Variants in ZNF530 observed in about 807,000 individuals in gnomAD.
The protein encoded by ZNF530 is zinc finger protein 530.
A neutral mutation model predicts 2.8 loss-of-function variants in ZNF530; 5 were observed. The ratio of observed to expected loss-of-function variants is 1.80; its 90% confidence interval spans 0.94 to 3.78. ZNF530 has a LOEUF of 3.78. Ranked by LOEUF, ZNF530 falls within the 30% of genes most tolerant of loss-of-function variation. ZNF530 has a pLI of 0.00. For missense variants in ZNF530, 619 were observed against 673.3 expected (o/e 0.92, Z 0.89); for synonymous variants, 229 against 235.0 (o/e 0.97, Z 0.23).
downstream of ZNF530, among the ~76,000 whole-genome samples, chr19:57,610,537 G>A (rs1174438773): frequency 1.3e-5 from 2 of 151,964 alleles, no homozygotes; most frequent in Admixed American, 6.6e-5. Flanking sequence ...AAAAATCTGG[G>A]CCTCCCACTT....
In ZNF530 at chr19:57,606,861, C is replaced by G. The variant is rs745398141; in HGVS notation, c.1237C>G (p.Gln413Glu). 6 of 1,613,822 alleles carry G rather than the reference C, an allele frequency of 3.7e-6. No individual in the cohort carries two copies. In the East Asian group the frequency reaches 1.1e-4, roughly 30 times the overall value. The change falls in exon 4 of 4, where the codon CAA (glutamine) becomes GAA (glutamate). Residue 413 changes from glutamine (Q) to glutamate (E), a missense_variant. Transcript: ENST00000597700. The stretch of plus-strand genomic sequence containing the variant: ...CAGTGAATGTGGGAAAGTTTTTAGC[C>G]AAAGCTCTGGCCTCTTTCGACACAG... ...ECSECGKVFS[Q>E]SSGLFRHRRA...
Position 57,607,419 on chromosome 19 carries a change from A to G in ZNF530, c.*94A>G, listed in dbSNP as rs1259089682. The G allele has an allele frequency of 7.9e-7, 1 of 1,270,680 alleles. No individual in the cohort carries two copies. Among genetic ancestry groups the G allele is most frequent in the African/African-American group, 1.5e-5 (1 of 65,986 alleles). 78.7% of individuals were successfully genotyped at this position (1,270,680 alleles called of 1,614,324 possible). On this transcript the variant is annotated 3_prime_UTR_variant, in exon 4 of 4. Transcript: ENST00000597700. ...GAGTGCAATTGTGCAATCTCAGCTC[A>G]CTGCAACCTCCGCCTCCTGGGATCA...
Position 57,606,245 on chromosome 19 carries a change from G to A in ZNF530, c.621G>A (p.Lys207=). 1.2e-6 allele frequency: 2 copies of A among 1,614,208 alleles called. No homozygotes were observed. The highest frequency in any genetic ancestry group is 1.7e-6 in the Non-Finnish European group (2 of 1,180,036). Reference sequence around the variant, plus strand: ...CTGACTCTGGAGAAAGGCCTTACAAGTGCAGTGAATGTGGGAAATCCTTTA... The same window carrying A: ...CTGACTCTGGAGAAAGGCCTTACAAATGCAGTGAATGTGGGAAATCCTTTA... The part of the protein sequence containing the change: ...QRADSGERPY[K]CSECGKSFSQ... The change falls in exon 4 of 4, where the codon AAG becomes AAA. Residue 207 remains lysine (K), a synonymous_variant. Coordinates refer to ENST00000597700, the MANE Select transcript of ZNF530 (RefSeq NM_001321981.2).
chr19:57,605,519 A>G, intron 3 of ZNF530, 167 bp from the exon 4 acceptor site: 1 of 617,402 alleles, frequency 1.6e-6, no homozygotes, highest in South Asian at 2.2e-5. Context: ...CTTTCATCTC[A>G]TAAGGCCTCC....
rs1980739359 is a variant in ZNF530 at position 57,608,949 on chromosome 19, G to C, written c.*1624G>C. The C allele has an allele frequency of 6.6e-6, 1 of 151,780 alleles. No homozygotes were observed. Among genetic ancestry groups the C allele is most frequent in the African/African-American group, 2.4e-5 (1 of 41,268 alleles). 9.4% of individuals were successfully genotyped at this position (151,780 alleles called of 1,614,324 possible). ...GAGGCAGATAATTGCTTGAACTTGG[G>C]AGGCAGAGGTTGCAGTGAGCTCAGA... On this transcript the variant is annotated 3_prime_UTR_variant, in exon 4 of 4. Transcript: ENST00000597700.
At chr19:57,605,619 C>A in intron 3 of ZNF530, 67 bp from the exon 4 acceptor site, 1 of 1,453,972 alleles carries the variant, frequency 6.9e-7, no homozygotes, top group Non-Finnish European at 9.3e-7. Context: ...TTCTTTGACA[C>A]ACATTTTTGA....
At chr19:57,600,848 C>T (rs1423369334) in intron 2 of ZNF530, 69 bp downstream of exon 2, 2 of 152,420 alleles carry the variant, frequency 1.3e-5, no homozygotes, top group East Asian at 1.9e-4. Flanking sequence ...ACTGTGGTGA[C>T]CTGGGATTCT....
intron 2 of ZNF530, among the ~76,000 whole-genome samples, chr19:57,601,828 A>C (rs1980256244): frequency 6.6e-6 from 1 of 152,210 alleles, no homozygotes; most frequent in African/African-American, 2.4e-5. Flanking sequence ...TCATTGCAGA[A>C]GGCAAAAAGG....
In ZNF530 at chr19:57,607,233, A is replaced by G; in HGVS notation, c.1609A>G (p.Thr537Ala). Reference sequence around the variant, plus strand: ...CCTCATTCAACACAAGACAGTTCACACTGGAGAAAGGCCTTATGAATGCAG... The same window carrying G: ...CCTCATTCAACACAAGACAGTTCACGCTGGAGAAAGGCCTTATGAATGCAG... ...NHLIQHKTVHTGERPYECSEC... is the reference protein window; with the variant it reads ...NHLIQHKTVHAGERPYECSEC... Residue 537 changes from threonine to alanine, a missense_variant, in exon 4 of 4, where the codon ACT becomes GCT. Transcript: ENST00000597700. 1 of 1,614,184 alleles carries G rather than the reference A, an allele frequency of 6.2e-7. No individual in the cohort carries two copies. Among genetic ancestry groups the G allele is most frequent in the African/African-American group, 1.3e-5 (1 of 75,040 alleles).
chr19:57,603,080 G>A (rs561622080), intron 2 of ZNF530, among the ~76,000 whole-genome samples: 10 of 152,224 alleles, frequency 6.6e-5, no homozygotes, highest in East Asian at 1.9e-4. Flanking sequence ...TAGTAGAGAC[G>A]GGGTTTCACC....
rs770419512 is a variant in ZNF530 at position 57,607,121 on chromosome 19, T to G, written c.1497T>G (p.Ser499=). 6.2e-7 allele frequency: 1 copy of G among 1,614,022 alleles called. No individual in the cohort carries two copies. The highest frequency in any genetic ancestry group is 1.3e-5 in the African/African-American group (1 of 74,978). ...DECGKSYSQS[S]ALLQHRRVHT... ...GTGGGAAATCCTATAGCCAAAGCTCTGCCCTCCTTCAGCATAGGAGAGTTC... is the reference window on the plus strand; with the variant it reads ...GTGGGAAATCCTATAGCCAAAGCTCGGCCCTCCTTCAGCATAGGAGAGTTC... Residue 499 remains serine, a synonymous_variant, in exon 4 of 4, where the codon TCT becomes TCG. Transcript: ENST00000597700.
At position 57,606,236 on chromosome 19, in the gene ZNF530, G is replaced by C; in HGVS notation, c.612G>C (p.Arg204Ser). ...ACCAAAGAGCTGACTCTGGAGAAAG[G>C]CCTTACAAGTGCAGTGAATGTGGGA... The part of the protein sequence containing the change: ...IQHQRADSGE[R>S]PYKCSECGKS... The change falls in exon 4 of 4, where the codon AGG (arginine) becomes AGC (serine). Residue 204 changes from arginine (R) to serine (S), a missense_variant. Physicochemically the swap from Arg to Ser is moderately radical, Grantham distance 110. Transcript: ENST00000597700. The C allele has an allele frequency of 6.2e-7, 1 of 1,614,230 alleles. No homozygotes were observed. The highest frequency in any genetic ancestry group is 1.6e-4 in the Middle Eastern group (1 of 6,062).
chr19:57,600,263 G>A (rs1302114437), intron 1 of ZNF530, 129 bp downstream of exon 1: 3 of 1,185,296 alleles, frequency 2.5e-6, no homozygotes, highest in Admixed American at 5.7e-5. Flanking sequence ...CTCGTTTCTG[G>A]TAGTGTGGCA....
At chr19:57,601,381 G>C (rs1980230400) in intron 2 of ZNF530, among the ~76,000 whole-genome samples, 1 of 152,202 alleles carries the variant, frequency 6.6e-6, no homozygotes, top group African/African-American at 2.4e-5. Flanking sequence ...CTGGTATTGG[G>C]ACTGAGAGAT....
intron 3 of ZNF530, chr19:57,604,790 G>A: frequency 5.8e-6 from 1 of 171,078 alleles, no homozygotes; most frequent in Admixed American, 5.5e-5. Flanking sequence ...TACTTAACTG[G>A]TCCATAGGCT....
At chr19:57,611,127 G>A (rs567369497), downstream of ZNF530, among the ~76,000 whole-genome samples, 1 of 152,140 alleles carries the variant, frequency 6.6e-6, no homozygotes, top group Non-Finnish European at 1.5e-5. Context: ...AATCATCCCA[G>A]CGTTACTGCC....
downstream of ZNF530, among the ~76,000 whole-genome samples, chr19:57,610,660 G>T (rs1980843805): frequency 6.6e-6 from 1 of 151,972 alleles, no homozygotes; most frequent in Admixed American, 6.6e-5. Flanking sequence ...CAGGAAACAG[G>T]GAGGAACAGC....
Position 57,607,616 on chromosome 19 carries a change from AT to A in ZNF530, c.*293del. On this transcript the variant is annotated 3_prime_UTR_variant, in exon 4 of 4. Transcript: ENST00000597700. Reference sequence around the variant, plus strand: ...TGCTTCAGCCTACCAAAGTGCTGGGATTACAGGCGTGAGCCACCATGTCCGG... The same window carrying A: ...TGCTTCAGCCTACCAAAGTGCTGGGATACAGGCGTGAGCCACCATGTCCGG... 2.8e-6 allele frequency: 1 copy of A among 351,670 alleles called. No homozygotes were observed. The allele number at this position is 351,670 out of a possible 1,614,324, so 21.8% of individuals were successfully genotyped here.
In ZNF530 at chr19:57,606,760, G is replaced by T; in HGVS notation, c.1136G>T (p.Cys379Phe). ...TGERPYVCSECGKSFGQKSVL... is the reference protein window; with the variant it reads ...TGERPYVCSEFGKSFGQKSVL... ...GAAAGACCTTATGTGTGCAGTGAAT[G>T]TGGGAAATCATTTGGCCAGAAATCT... Residue 379 changes from cysteine to phenylalanine, a missense_variant, in exon 4 of 4, where the codon TGT becomes TTT. By Grantham distance (205) the Cys-to-Phe change is radical (BLOSUM62 -2). Transcript: ENST00000597700. 6.2e-7 allele frequency: 1 copy of T among 1,614,050 alleles called. No individual in the cohort carries two copies. Among genetic ancestry groups the T allele is most frequent in the Non-Finnish European group, 8.5e-7 (1 of 1,180,024 alleles).
Sources: gnomAD v4.1 joint callset for allele counts (sites outside exome capture counted in the v4.1 genomes callset) on GRCh38, gnomAD v4.1.1 for gene constraint, MANE v1.5 for transcripts, NCBI Gene and HGNC (gene_info 2026-07-23, HGNC 2026-07-21) for gene names.